Variants in DAAM1 observed in about 807,000 individuals in gnomAD.
The protein encoded by DAAM1 is dishevelled associated activator of morphogenesis 1.
Under a neutral mutation model 130.0 loss-of-function variants are expected in DAAM1, and 52 were observed. The observed-to-expected ratio is 0.40, with a 90% CI of 0.32 to 0.50. The LOEUF (loss-of-function observed/expected upper bound fraction) is 0.50. Among genes scored for constraint, DAAM1 ranks in the 20% least tolerant of loss-of-function variants. The pLI is 0.61. For missense variants in DAAM1, 1,134 were observed against 1,303.8 expected (o/e 0.87, Z 2.01); for synonymous variants, 452 against 444.5 (o/e 1.02, Z -0.21).
intron 1 of DAAM1, among the ~76,000 whole-genome samples, chr14:59,217,432 TG>T (rs1306861522): frequency 1.9e-4 from 29 of 152,350 alleles, no homozygotes; most frequent in Admixed American, 1.8e-3. Flanking sequence ...TATATCAGTG[TG>T]GTGTAACCAG....
intron 12 of DAAM1, 95 bp downstream of exon 12, chr14:59,327,086 T>C: frequency 7.2e-7 from 1 of 1,392,804 alleles, no homozygotes; most frequent in Non-Finnish European, 1.0e-6. Context: ...TGTTTCTTGT[T>C]AGCTTGGTGC....
chr14:59,302,215 C>T (rs527659314), intron 3 of DAAM1, among the ~76,000 whole-genome samples: 1 of 152,300 alleles, frequency 6.6e-6, no homozygotes, highest in South Asian at 2.1e-4. Context: ...GAGTAACACC[C>T]TTTTACTGAA....
intron 1 of DAAM1, among the ~76,000 whole-genome samples, chr14:59,246,658 A>T (rs1881394175): frequency 6.6e-6 from 1 of 152,174 alleles, no homozygotes; most frequent in African/African-American, 2.4e-5. Flanking sequence ...TCCACTTCAT[A>T]ATCCCAGCAA....
At chr14:59,245,055 G>T (rs910886019) in intron 1 of DAAM1, among the ~76,000 whole-genome samples, 3 of 148,154 alleles carry the variant, frequency 2.0e-5, no homozygotes, top group Non-Finnish European at 4.4e-5. Flanking sequence ...GGAAAAGGAC[G>T]GGGGGGCCAG....
intron 2 of DAAM1, among the ~76,000 whole-genome samples, chr14:59,289,943 G>T (rs920036000): frequency 2.6e-4 from 39 of 151,896 alleles, no homozygotes; most frequent in Admixed American, 3.9e-4. Context: ...AAGACACGTG[G>T]ACACAAAGAT....
intron 1 of DAAM1, among the ~76,000 whole-genome samples, chr14:59,253,875 T>G (rs1171383820): frequency 6.6e-6 from 1 of 152,224 alleles, no homozygotes; most frequent in Non-Finnish European, 1.5e-5. Context: ...TAGTAAACTT[T>G]GCTTCAAGAT....
intron 3 of DAAM1, among the ~76,000 whole-genome samples, chr14:59,302,412 T>C (rs1033325632): frequency 6.6e-6 from 1 of 152,184 alleles, no homozygotes; most frequent in Non-Finnish European, 1.5e-5. Context: ...ATGAAGGTAG[T>C]GTGTCCTATG....
At chr14:59,262,924 C>G (rs1171645642) in intron 1 of DAAM1, among the ~76,000 whole-genome samples, 1 of 152,162 alleles carries the variant, frequency 6.6e-6, no homozygotes, top group Non-Finnish European at 1.5e-5. Context: ...CACAGCCTAA[C>G]AGGAAGACAC....
At chr14:59,230,058 T>G (rs551151211) in intron 1 of DAAM1, among the ~76,000 whole-genome samples, 2 of 152,326 alleles carry the variant, frequency 1.3e-5, no homozygotes, top group East Asian at 3.9e-4. Flanking sequence ...CTCTTACCCT[T>G]GCAAATTGAA....
At chr14:59,361,185 C>T (rs1886691261) in intron 22 of DAAM1, among the ~76,000 whole-genome samples, 1 of 152,148 alleles carries the variant, frequency 6.6e-6, no homozygotes, top group South Asian at 2.1e-4. Flanking sequence ...TCTCAGTTTC[C>T]AAGTGCTGCT....
chr14:59,209,373 A>T (rs1041268774), intron 1 of DAAM1, among the ~76,000 whole-genome samples: 1 of 152,222 alleles, frequency 6.6e-6, no homozygotes, highest in Non-Finnish European at 1.5e-5. Context: ...TTATTTTCTT[A>T]GGATAAATTC....
chr14:59,339,466 A>T (rs1173797710), intron 15 of DAAM1, among the ~76,000 whole-genome samples: 1 of 152,212 alleles, frequency 6.6e-6, no homozygotes. Flanking sequence ...ATACAGCAAC[A>T]GAATATGCAA....
chr14:59,247,320 C>T (rs1184355814), intron 1 of DAAM1, among the ~76,000 whole-genome samples: 3 of 152,158 alleles, frequency 2.0e-5, no homozygotes, highest in Non-Finnish European at 4.4e-5. Flanking sequence ...TCAGAAAGTA[C>T]AAGACCTCCA....
Position 59,340,952 on chromosome 14 carries a change from A to C in DAAM1, c.2075+772A>C, listed in dbSNP as rs1885819443. 2.6e-5 allele frequency among the ~76,000 whole-genome samples: 4 copies of C among 152,232 alleles called. No individual in the cohort carries two copies. In the South Asian group the frequency reaches 6.2e-4, roughly 24 times the overall value. ...GTTTGGGGCTTTAAAGATAAGTTAC[A>C]TTCTGGAAGGAATGTTGTATATGCA... is the stretch of plus-strand genomic sequence containing the variant. On this transcript the variant is annotated intron_variant, in intron 16 of 24. Coordinates refer to ENST00000360909, the MANE Select transcript of DAAM1 (RefSeq NM_001270520.2).
intron 12 of DAAM1, among the ~76,000 whole-genome samples, chr14:59,329,358 T>C (rs1293349931): frequency 6.6e-6 from 1 of 152,148 alleles, no homozygotes; most frequent in Admixed American, 6.5e-5. Flanking sequence ...CATTTTTGGA[T>C]GTATTTCTGG....
At chr14:59,282,808 A>G (rs532770715) in intron 2 of DAAM1, among the ~76,000 whole-genome samples, 1 of 152,330 alleles carries the variant, frequency 6.6e-6, no homozygotes, top group African/African-American at 2.4e-5. Flanking sequence ...ACTACTATTA[A>G]GAACATAGAA....
chr14:59,326,693 G>T, intron 11 of DAAM1, 45 bp downstream of exon 11: 1 of 1,597,674 alleles, frequency 6.3e-7, no homozygotes, highest in Non-Finnish European at 8.5e-7. Flanking sequence ...TGGTGACAAT[G>T]TAAGATATTT....
chr14:59,249,202 A>T (rs977364986), intron 1 of DAAM1, among the ~76,000 whole-genome samples: 3 of 152,160 alleles, frequency 2.0e-5, no homozygotes, highest in Non-Finnish European at 4.4e-5. Flanking sequence ...TTGTAATTCA[A>T]TTGCCAAAGG....
chr14:59,264,049 C>T, intron 2 of DAAM1: 1 of 287,168 alleles, frequency 3.5e-6, no homozygotes, highest in Non-Finnish European at 6.8e-6. Context: ...GCTCCCCTAC[C>T]CCCACACCGA....
Sources: allele counts gnomAD v4.1 joint callset (sites outside exome capture counted in the v4.1 genomes callset), GRCh38; gene constraint gnomAD v4.1.1; transcripts MANE v1.5; gene names NCBI Gene and HGNC (gene_info 2026-07-23, HGNC 2026-07-21).